The following LDLRAD4 variants were observed in gnomAD, a reference collection of about 807,000 sequenced individuals.
LDLRAD4 encodes the protein low density lipoprotein receptor class A domain containing 4.
In LDLRAD4, 5 loss-of-function variants were observed where a neutral mutation model predicts 17.0. The ratio of observed to expected loss-of-function variants is 0.29; its 90% CI spans 0.15 to 0.62. LDLRAD4 has a LOEUF of 0.62. Ranked by LOEUF, LDLRAD4 falls within the 20% of genes least tolerant of loss-of-function variation. LDLRAD4 has a pLI of 0.84. For synonymous variants in LDLRAD4, 168 were observed against 171.8 expected (o/e 0.98, Z 0.17); for missense variants, 340 against 424.7 (o/e 0.80, Z 1.75).
At chr18:13,326,252 T>C (rs2081529675) in intron 1 of LDLRAD4, among the ~76,000 whole-genome samples, 1 of 152,120 alleles carries the variant, frequency 6.6e-6, no homozygotes, top group African/African-American at 2.4e-5. Context: ...GTATGTTTCC[T>C]TAAAGGGGGG....
chr18:13,541,118 G>A (rs1162011494), intron 3 of LDLRAD4, among the ~76,000 whole-genome samples: 1 of 152,172 alleles, frequency 6.6e-6, no homozygotes, highest in Non-Finnish European at 1.5e-5. Flanking sequence ...GCCCGACCCC[G>A]CAAGGCACTC....
intron 1 of LDLRAD4, among the ~76,000 whole-genome samples, chr18:13,248,034 C>G (rs62097308): frequency 0.019 from 2,801 of 148,614 alleles, 34 homozygotes; most frequent in Non-Finnish European, 0.029. Flanking sequence ...GATCTTGGCT[C>G]ACTGCAACCT....
At chr18:13,626,421 G>A (rs995429623) in intron 4 of LDLRAD4, among the ~76,000 whole-genome samples, 1 of 152,100 alleles carries the variant, frequency 6.6e-6, no homozygotes, top group Non-Finnish European at 1.5e-5. Flanking sequence ...TGGCCCAGAG[G>A]GTCCAGCCTG....
intron 1 of LDLRAD4, among the ~76,000 whole-genome samples, chr18:13,377,901 T>A (rs1434814118): frequency 6.6e-6 from 1 of 152,214 alleles, no homozygotes; most frequent in African/African-American, 2.4e-5. Flanking sequence ...TCACCTTGAA[T>A]TGGATACCGA....
At chr18:13,227,361 A>G (rs2041862794) in intron 1 of LDLRAD4, among the ~76,000 whole-genome samples, 1 of 152,218 alleles carries the variant, frequency 6.6e-6, no homozygotes, top group Non-Finnish European at 1.5e-5. Flanking sequence ...GGAGGGAGCA[A>G]GATGGCACCA....
intron 3 of LDLRAD4, among the ~76,000 whole-genome samples, chr18:13,550,189 G>A (rs916761959): frequency 1.3e-5 from 2 of 152,108 alleles, no homozygotes; most frequent in South Asian, 2.1e-4. Flanking sequence ...CATGGAAAAG[G>A]GTTCCACCAA....
intron 2 of LDLRAD4, among the ~76,000 whole-genome samples, chr18:13,408,460 T>C (rs1235717581): frequency 6.6e-6 from 1 of 152,062 alleles, no homozygotes; most frequent in African/African-American, 2.4e-5. Flanking sequence ...CACAGCTTTT[T>C]TTTTAAATTT....
chr18:13,354,235 G>T (rs1441709262), intron 1 of LDLRAD4, among the ~76,000 whole-genome samples: 1 of 152,100 alleles, frequency 6.6e-6, no homozygotes, highest in Non-Finnish European at 1.5e-5. Flanking sequence ...AAAGAAATAA[G>T]AAAAGCTTAG....
At chr18:13,405,632 C>CT (rs1216768363) in intron 2 of LDLRAD4, among the ~76,000 whole-genome samples, 2 of 145,500 alleles carry the variant, frequency 1.4e-5, no homozygotes, top group African/African-American at 5.2e-5. Context: ...GAGAGACAGT[C>CT]TCGCTGTATT....
exon 6 of LDLRAD4, chr18:13,651,803 A>G (rs2043257510): frequency 6.6e-6 from 1 of 152,200 alleles, no homozygotes; most frequent in Non-Finnish European, 1.5e-5. Flanking sequence ...TAAATTCCAA[A>G]GTTTTTATTT....
At chr18:13,324,545 G>T (rs1240634270) in intron 1 of LDLRAD4, among the ~76,000 whole-genome samples, 1 of 152,186 alleles carries the variant, frequency 6.6e-6, no homozygotes, top group African/African-American at 2.4e-5. Flanking sequence ...GGAAGAGGGA[G>T]AAGCGGCCTG....
At chr18:13,441,602 C>G (rs1173598125) in intron 3 of LDLRAD4, among the ~76,000 whole-genome samples, 2 of 152,206 alleles carry the variant, frequency 1.3e-5, no homozygotes, top group African/African-American at 2.4e-5. Flanking sequence ...AGTTTCCTGG[C>G]CGTGCCGTTA....
At chr18:13,377,450 T>C (rs2085005502) in intron 1 of LDLRAD4, among the ~76,000 whole-genome samples, 1 of 152,162 alleles carries the variant, frequency 6.6e-6, no homozygotes, top group African/African-American at 2.4e-5. Flanking sequence ...GCCCGTGCCT[T>C]CTCCCAGGTG....
intron 2 of LDLRAD4, among the ~76,000 whole-genome samples, chr18:13,415,106 C>T (rs1007162224): frequency 1.3e-5 from 2 of 152,178 alleles, no homozygotes; most frequent in Non-Finnish European, 2.9e-5. Context: ...TGCCTGTAAT[C>T]TCAGCTACTC....
chr18:13,458,943 A>C (rs1190569991), intron 3 of LDLRAD4, among the ~76,000 whole-genome samples: 1 of 152,220 alleles, frequency 6.6e-6, no homozygotes, highest in Non-Finnish European at 1.5e-5. Flanking sequence ...GAAGGAACAC[A>C]GCTCTGCCAC....
At chr18:13,433,171 T>C (rs945005866) in intron 2 of LDLRAD4, among the ~76,000 whole-genome samples, 2 of 152,262 alleles carry the variant, frequency 1.3e-5, no homozygotes, top group African/African-American at 4.8e-5. Context: ...CCATTAATTC[T>C]TGGCTTACAC....
At chr18:13,254,344 C>T (rs762033267) in intron 1 of LDLRAD4, among the ~76,000 whole-genome samples, 1 of 152,124 alleles carries the variant, frequency 6.6e-6, no homozygotes, top group Non-Finnish European at 1.5e-5. Flanking sequence ...CCTTGGGGAG[C>T]CATTGGAGTG....
intron 3 of LDLRAD4, among the ~76,000 whole-genome samples, chr18:13,502,913 C>T (rs1291546998): frequency 6.6e-6 from 1 of 152,314 alleles, no homozygotes; most frequent in East Asian, 1.9e-4. Flanking sequence ...GTGCACACAG[C>T]GGCTATCTGC....
chr18:13,594,664 TCAAAAA>T (rs2095070392), intron 3 of LDLRAD4, among the ~76,000 whole-genome samples: 1 of 17,552 alleles, frequency 5.7e-5, no homozygotes, highest in African/African-American at 3.0e-4. Flanking sequence ...AGATTCCATC[TCAAAAA>T]AAAAAAAAAA....
Sources: gnomAD v4.1 joint callset for allele counts (sites outside exome capture counted in the v4.1 genomes callset) on GRCh38, gnomAD v4.1.1 for gene constraint, MANE v1.5 for transcripts, NCBI Gene and HGNC (gene_info 2026-07-23, HGNC 2026-07-21) for gene names.